GLMN: variants seen among roughly 807,000 people sequenced by gnomAD.
GLMN encodes glomulin.
Under a neutral mutation model 87.8 loss-of-function variants are expected in GLMN, and 75 were observed. The observed-to-expected ratio is 0.85, with a 90% CI of 0.71 to 1.04. The LOEUF (loss-of-function observed/expected upper bound fraction) is 1.04. GLMN is among the 50% of genes least tolerant of loss of function. The probability of loss-of-function intolerance (pLI) is 0.00; values close to 1 mark genes in which losing one functional copy is unlikely to be tolerated. For synonymous variants in GLMN, 206 were observed against 221.6 expected (o/e 0.93, Z 0.63); for missense variants, 588 against 658.8 (o/e 0.89, Z 1.18).
chr1:92,337,161 C>A, the GLMN span, among the ~76,000 whole-genome samples: 1 of 152,054 alleles, frequency 6.6e-6, no homozygotes, highest in Admixed American at 6.5e-5. Flanking sequence ...GAATAAACTT[C>A]TAGGGTGGAA....
chr1:92,265,111 G>A (rs1441229414), intron 13 of GLMN, among the ~76,000 whole-genome samples: 1 of 152,156 alleles, frequency 6.6e-6, no homozygotes, highest in African/African-American at 2.4e-5. Flanking sequence ...AAAGTGCTGG[G>A]ATTACAGGCA....
At chr1:92,326,276 A>G in the GLMN span, among the ~76,000 whole-genome samples, 1 of 152,004 alleles carries the variant, frequency 6.6e-6, no homozygotes, top group East Asian at 1.9e-4. Flanking sequence ...GCACTATTTT[A>G]TTTGCTTATT....
chr1:92,324,728 G>A, the GLMN span, among the ~76,000 whole-genome samples: 1 of 152,132 alleles, frequency 6.6e-6, no homozygotes, highest in Non-Finnish European at 1.5e-5. Flanking sequence ...TTTACATGGG[G>A]TCTGTGTGTG....
the GLMN span, among the ~76,000 whole-genome samples, chr1:92,338,414 A>C: frequency 6.6e-6 from 1 of 152,214 alleles, no homozygotes; most frequent in South Asian, 2.1e-4. Context: ...TAATGACGAG[A>C]GACATTTTTT....
At chr1:92,315,111 C>CAA in the GLMN span, among the ~76,000 whole-genome samples, 3 of 135,870 alleles carry the variant, frequency 2.2e-5, no homozygotes, top group Non-Finnish European at 3.2e-5. Context: ...GTTGCAGTCT[C>CAA]AAAAAAAAAA....
chr1:92,263,077 A>C, intron 15 of GLMN, 151 bp from the exon 16 acceptor site: 1 of 504,734 alleles, frequency 2.0e-6, no homozygotes, highest in South Asian at 2.4e-5. Context: ...ATAACTTATC[A>C]CTGTTTTCCA....
chr1:92,272,826 T>C (rs1301814228), intron 7 of GLMN, among the ~76,000 whole-genome samples: 1 of 152,232 alleles, frequency 6.6e-6, no homozygotes, highest in East Asian at 1.9e-4. Flanking sequence ...ATACTGGTAC[T>C]AATTCTAGCG....
intron 7 of GLMN, among the ~76,000 whole-genome samples, chr1:92,274,137 T>A (rs1656560976): frequency 6.6e-6 from 1 of 152,200 alleles, no homozygotes; most frequent in South Asian, 2.1e-4. Context: ...ACTTCTAGAC[T>A]GCTACGTGCA....
At chr1:92,262,199 A>C (rs970802810) in intron 16 of GLMN, among the ~76,000 whole-genome samples, 3 of 152,186 alleles carry the variant, frequency 2.0e-5, no homozygotes, top group African/African-American at 2.4e-5. Flanking sequence ...CTAAAAAAAA[A>C]CCAATTAACA....
chr1:92,329,763 G>A, the GLMN span, among the ~76,000 whole-genome samples: 2 of 152,180 alleles, frequency 1.3e-5, no homozygotes, highest in South Asian at 4.1e-4. Flanking sequence ...AGCTATAATA[G>A]CCTTTTTATA....
At chr1:92,286,099 C>T (rs934530878) in intron 7 of GLMN, among the ~76,000 whole-genome samples, 1 of 151,648 alleles carries the variant, frequency 6.6e-6, no homozygotes, top group African/African-American at 2.4e-5. Flanking sequence ...AAATTAGAAA[C>T]AATCCAAATG....
At chr1:92,368,082 G>A in the GLMN span, among the ~76,000 whole-genome samples, 5 of 152,186 alleles carry the variant, frequency 3.3e-5, no homozygotes, top group Non-Finnish European at 7.3e-5. Context: ...TTCAGTATGA[G>A]TGCAGTGAGC....
chr1:92,267,988 A>G lies in GLMN; in HGVS notation c.1023T>C (p.Asn341=). 6.4e-7 allele frequency: 1 copy of G among 1,565,032 alleles called. No homozygotes were observed. Among genetic ancestry groups the G allele is most frequent in the South Asian group, 1.1e-5 (1 of 90,092 alleles). Residue 341 remains asparagine (N), a synonymous_variant, in exon 11 of 19, where the codon AAT becomes AAC. Coordinates refer to ENST00000370360, the MANE Select transcript of GLMN (RefSeq NM_053274.3). ...VISKGLELLE[N]SLLRIEDNSL... is the part of the protein sequence containing the mutation. The stretch of plus-strand genomic sequence containing the variant: ...TATTGTCTTCTATTCTCAATAAACT[A>G]TTCTCCAGCAGCTCCTACAGATTAA...
intron 4 of GLMN, among the ~76,000 whole-genome samples, chr1:92,291,058 CA>C (rs1186230989): frequency 2.0e-5 from 3 of 152,116 alleles, no homozygotes. Context: ...AATCTAGTTC[CA>C]ATGTTGCCAA....
upstream of GLMN, among the ~76,000 whole-genome samples, chr1:92,299,507 A>T (rs1241935368): frequency 1.3e-5 from 2 of 151,898 alleles, no homozygotes; most frequent in African/African-American, 4.8e-5. Context: ...TCCTTTCCAG[A>T]TTGCTTGGGT....
chr1:92,309,110 G>A, the GLMN span, among the ~76,000 whole-genome samples: 1 of 151,744 alleles, frequency 6.6e-6, no homozygotes, highest in East Asian at 1.9e-4. Context: ...TTCTACCTTA[G>A]CTATATACCC....
At chr1:92,267,351 A>G (rs1005090419) in intron 11 of GLMN, among the ~76,000 whole-genome samples, 2 of 152,336 alleles carry the variant, frequency 1.3e-5, no homozygotes, top group Non-Finnish European at 2.9e-5. Context: ...ATGCTGTGCT[A>G]TCAATAATGG....
rs1433087108 is a variant in GLMN, at chr1:92,289,118, A to G, written c.428T>C (p.Ile143Thr). ...CCAAAGGGTAGACAATGCTAATCCA[A>G]TTGAATATGCCTTGTTATGAAGTTT... ...IQKLHNKAYS[I>T]GLALSTLWNQ... The change falls in exon 6 of 19, where the codon ATT becomes ACT. Residue 143 changes from isoleucine (I) to threonine (T), a missense_variant. Ile to Thr is a moderately conservative substitution (Grantham distance 89). Transcript: ENST00000370360. The G allele has an allele frequency of 6.2e-6, 10 of 1,606,422 alleles. No individual in the cohort carries two copies. The highest frequency in any genetic ancestry group is 4.4e-5 in the South Asian group (4 of 90,966).
the GLMN span, chr1:92,324,038 C>T: frequency 3.0e-5 from 49 of 1,613,804 alleles, no homozygotes; most frequent in Non-Finnish European, 4.0e-5. Flanking sequence ...TTGAAGGAGA[C>T]TTTGATTGAG....
Sources: gnomAD v4.1 joint callset for allele counts (sites outside exome capture counted in the v4.1 genomes callset) on GRCh38, gnomAD v4.1.1 for gene constraint, MANE v1.5 for transcripts, NCBI Gene and HGNC (gene_info 2026-07-23, HGNC 2026-07-21) for gene names.